The following SPAG16 variants were observed in gnomAD, a reference collection of about 807,000 sequenced individuals.
SPAG16 encodes sperm-associated antigen 16 protein.
A neutral mutation model predicts 80.4 loss-of-function variants in SPAG16; 86 were observed. That is an observed-to-expected ratio of 1.07 (90% confidence interval 0.90 to 1.28). SPAG16 has a LOEUF of 1.28. Among genes scored for constraint, SPAG16 ranks in the 50% most tolerant of loss-of-function variants. SPAG16 has a pLI of 0.00. For missense variants in SPAG16, 870 were observed against 765.3 expected, an observed-to-expected ratio of 1.14 and a Z score of -1.61; for synonymous variants, 294 against 265.9, an observed-to-expected ratio of 1.11 and a Z score of -1.03.
chr2:214,012,278 A>ATTTTTTTTTTTT (rs1559689715), intron 12 of SPAG16, among the ~76,000 whole-genome samples: 1 of 45,086 alleles, frequency 2.2e-5, no homozygotes, highest in Non-Finnish European at 4.1e-5. Context: ...ATATATATAT[A>ATTTTTTTTTTTT]TATATATATA....
intron 5 of SPAG16, among the ~76,000 whole-genome samples, chr2:213,337,768 C>T (rs553768418): frequency 9.2e-5 from 14 of 152,128 alleles, no homozygotes; most frequent in Admixed American, 6.5e-4. Flanking sequence ...CTGAAAGAGA[C>T]GGAGAGAATG....
intron 1 of SPAG16, among the ~76,000 whole-genome samples, chr2:213,286,073 T>C (rs569759461): frequency 6.6e-6 from 1 of 152,338 alleles, no homozygotes; most frequent in East Asian, 1.9e-4. Context: ...CTTTCAGCAA[T>C]GAAAATCAGG....
chr2:213,618,713 T>A (rs1167764229), intron 10 of SPAG16, among the ~76,000 whole-genome samples: 1 of 151,942 alleles, frequency 6.6e-6, no homozygotes, highest in Non-Finnish European at 1.5e-5. Flanking sequence ...TTTCTGTTTT[T>A]TTTTTTTCTT....
chr2:214,352,321 T>G (rs73087099), intron 15 of SPAG16, among the ~76,000 whole-genome samples: 3,758 of 152,324 alleles, frequency 0.025, 151 homozygotes, highest in African/African-American at 0.086. Flanking sequence ...AAGTTTTGAT[T>G]TTAATGGTTT....
intron 10 of SPAG16, among the ~76,000 whole-genome samples, chr2:213,531,048 C>A (rs2076048855): frequency 6.6e-6 from 1 of 151,872 alleles, no homozygotes; most frequent in African/African-American, 2.4e-5. Flanking sequence ...GAGCTATATC[C>A]TTTTATTGCT....
intron 15 of SPAG16, among the ~76,000 whole-genome samples, chr2:214,402,111 T>C (rs552941653): frequency 2.6e-5 from 4 of 152,030 alleles, no homozygotes; most frequent in Non-Finnish European, 5.9e-5. Flanking sequence ...TAACTCTTGA[T>C]ATATTAACTA....
At chr2:213,419,638 T>C (rs2069472870) in intron 9 of SPAG16, among the ~76,000 whole-genome samples, 1 of 152,214 alleles carries the variant, frequency 6.6e-6, no homozygotes, top group South Asian at 2.1e-4. Context: ...TGTTTTTCTC[T>C]TGAAAATAAT....
intron 10 of SPAG16, among the ~76,000 whole-genome samples, chr2:213,860,835 T>G (rs1359406604): frequency 6.6e-6 from 1 of 152,166 alleles, no homozygotes. Flanking sequence ...TGGTCAAGGG[T>G]GCATGTGTCT....
rs1269473037 is a variant in SPAG16, at chr2:213,342,105, G to A, written c.644+1835G>A. ...ATGAATGAGTTAAATTCCAAAGTTAGTAAAAAAAGGGAAATTTTGCCATCA... is the reference window on the plus strand; with the variant it reads ...ATGAATGAGTTAAATTCCAAAGTTAATAAAAAAAGGGAAATTTTGCCATCA... On this transcript the variant is annotated intron_variant, in intron 6 of 15. Transcript: ENST00000331683. 5.3e-5 allele frequency among the ~76,000 whole-genome samples: 8 copies of A among 151,610 alleles called. 1 individual carries two copies. The highest frequency in any genetic ancestry group is 5.3e-4 in the Admixed American group (8 of 15,192).
chr2:213,560,021 G>A (rs2059554722), intron 10 of SPAG16, among the ~76,000 whole-genome samples: 1 of 151,930 alleles, frequency 6.6e-6, no homozygotes, highest in Non-Finnish European at 1.5e-5. Flanking sequence ...ACCCCACCCA[G>A]CCTGGATATG....
chr2:213,951,861 G>A (rs67115144), intron 12 of SPAG16, among the ~76,000 whole-genome samples: 22,852 of 151,960 alleles, frequency 0.15, 2,073 homozygotes, highest in Non-Finnish European at 0.21. Flanking sequence ...TTTGAGATTC[G>A]CTAAAACCAA....
At chr2:213,735,736 GT>G (rs1276370173) in intron 10 of SPAG16, among the ~76,000 whole-genome samples, 1 of 152,200 alleles carries the variant, frequency 6.6e-6, no homozygotes, top group East Asian at 1.9e-4. Flanking sequence ...CCATCTCTGT[GT>G]TTAGGAAAGA....
chr2:214,390,485 C>A (rs775389915), intron 15 of SPAG16, among the ~76,000 whole-genome samples: 1 of 152,124 alleles, frequency 6.6e-6, no homozygotes, highest in Non-Finnish European at 1.5e-5. Context: ...CCACTCAGCT[C>A]CCACTTTATC....
At chr2:214,347,231 T>G (rs1050906750) in intron 15 of SPAG16, among the ~76,000 whole-genome samples, 8 of 152,166 alleles carry the variant, frequency 5.3e-5, no homozygotes, top group Admixed American at 5.2e-4. Flanking sequence ...CCTAATAAAC[T>G]TAATGGTCTA....
chr2:214,212,184 C>A (rs532826094), intron 15 of SPAG16, among the ~76,000 whole-genome samples: 8 of 151,882 alleles, frequency 5.3e-5, no homozygotes, highest in Admixed American at 6.6e-5. Context: ...TAAATTCCTC[C>A]ATTTCTCCCT....
chr2:213,328,334 AAATTATTTG>A (rs1212098393), intron 5 of SPAG16, among the ~76,000 whole-genome samples: 1 of 151,088 alleles, frequency 6.6e-6, no homozygotes, highest in Non-Finnish European at 1.5e-5. Context: ...TTCTTTTTGC[AAATTATTTG>A]AAGAGATTCA....
chr2:213,353,498 TTTAA>T (rs2065451233), intron 7 of SPAG16, among the ~76,000 whole-genome samples: 1 of 152,190 alleles, frequency 6.6e-6, no homozygotes, highest in Admixed American at 6.5e-5. Flanking sequence ...TGAAGGACTC[TTTAA>T]GGGGTTGTCA....
intron 10 of SPAG16, among the ~76,000 whole-genome samples, chr2:213,766,813 A>G (rs1418948567): frequency 6.6e-6 from 1 of 152,216 alleles, no homozygotes; most frequent in African/African-American, 2.4e-5. Context: ...GTATGCAAAT[A>G]TGCAAAGAGA....
chr2:214,276,595 T>A (rs1692479504), intron 15 of SPAG16, among the ~76,000 whole-genome samples: 1 of 151,870 alleles, frequency 6.6e-6, no homozygotes, highest in Non-Finnish European at 1.5e-5. Flanking sequence ...TTGAAAATTC[T>A]TTTAAGAATG....
Sources: gnomAD v4.1 joint callset for allele counts (sites outside exome capture counted in the v4.1 genomes callset) on GRCh38, gnomAD v4.1.1 for gene constraint, MANE v1.5 for transcripts, NCBI Gene and HGNC (gene_info 2026-07-23, HGNC 2026-07-21) for gene names.